The following DPP10 variants were observed in gnomAD, a reference collection of about 807,000 sequenced individuals.
DPP10 encodes dipeptidyl peptidase like 10, also known as inactive dipeptidyl peptidase 10.
In DPP10, 33 loss-of-function variants were observed where a neutral mutation model predicts 120.9. The ratio of observed to expected loss-of-function variants is 0.27; its 90% CI spans 0.21 to 0.37. The LOEUF (loss-of-function observed/expected upper bound fraction) is 0.37, where lower values mean the gene tolerates loss of function less well. Ranked by LOEUF, DPP10 falls within the 10% of genes least tolerant of loss-of-function variation. DPP10 has a pLI of 1.00. For synonymous variants in DPP10, 337 were observed against 326.1 expected, an observed-to-expected ratio of 1.03 and a Z score of -0.36; for missense variants, 816 against 942.8, an observed-to-expected ratio of 0.87 and a Z score of 1.76.
intron 1 of DPP10, among the ~76,000 whole-genome samples, chr2:114,539,961 C>T (rs1392674995): frequency 2.0e-5 from 3 of 151,920 alleles, no homozygotes; most frequent in African/African-American, 7.3e-5. Flanking sequence ...ATGATAATTC[C>T]AAGTGTTCGC....
At chr2:114,653,928 G>A (rs1383690030) in intron 1 of DPP10, among the ~76,000 whole-genome samples, 1 of 152,024 alleles carries the variant, frequency 6.6e-6, no homozygotes, top group Non-Finnish European at 1.5e-5. Flanking sequence ...TTTCTAGATA[G>A]GCATCTAGAA....
chr2:115,587,334 A>G (rs914470233), intron 5 of DPP10, among the ~76,000 whole-genome samples: 9 of 151,570 alleles, frequency 5.9e-5, no homozygotes, highest in Middle Eastern at 3.4e-3. Context: ...TCCTGACCTC[A>G]TGATCCGCCC....
chr2:115,686,589 A>C (rs1371649511), intron 5 of DPP10, among the ~76,000 whole-genome samples: 1 of 152,014 alleles, frequency 6.6e-6, no homozygotes, highest in Non-Finnish European at 1.5e-5. Flanking sequence ...TTAGTAATCA[A>C]ACTCTTCTTA....
intron 1 of DPP10, among the ~76,000 whole-genome samples, chr2:115,217,720 C>T (rs757700697): frequency 8.5e-5 from 13 of 152,260 alleles, no homozygotes; most frequent in Non-Finnish European, 1.2e-4. Context: ...CACACCATTG[C>T]GGTTGGTACT....
At chr2:115,358,506 GC>G (rs1258512420) in intron 3 of DPP10, among the ~76,000 whole-genome samples, 4 of 152,068 alleles carry the variant, frequency 2.6e-5, no homozygotes, top group Non-Finnish European at 5.9e-5. Context: ...TGTCTTCTGA[GC>G]CCTCCAAGTC....
chr2:115,120,706 ATTTG>A (rs2049777339), intron 1 of DPP10, among the ~76,000 whole-genome samples: 1 of 152,114 alleles, frequency 6.6e-6, no homozygotes, highest in Non-Finnish European at 1.5e-5. Flanking sequence ...CCCTTTCACA[ATTTG>A]TTTATGACTT....
rs140227922 is a variant in DPP10, at chr2:114,981,779, G to T, written c.61-327460G>T. ...TTGTTTTGTTTTGTTTTTTGTTTTT[G>T]TTTTTTTTTTTAGATAGGGTGTCTC... is the stretch of plus-strand genomic sequence containing the variant. On this transcript the variant is annotated intron_variant, in intron 1 of 25. Coordinates refer to ENST00000410059, the MANE Select transcript of DPP10 (RefSeq NM_020868.6). Among the ~76,000 whole-genome samples the T allele has an allele frequency of 4.4e-3, 638 of 145,836 alleles. 2 individuals carry two copies. Among genetic ancestry groups the T allele is most frequent in the African/African-American group, 0.015 (596 of 39,790 alleles).
chr2:114,497,181 A>G (rs1682630039), intron 1 of DPP10, among the ~76,000 whole-genome samples: 1 of 147,650 alleles, frequency 6.8e-6, no homozygotes, highest in Non-Finnish European at 1.5e-5. Context: ...ATACATGTGT[A>G]CGTGTATACA....
chr2:115,133,145 G>GTGTGTGTATATA (rs1338395575), intron 1 of DPP10, among the ~76,000 whole-genome samples: 1 of 28,770 alleles, frequency 3.5e-5, no homozygotes, highest in African/African-American at 1.3e-4. Context: ...GTGTGTGTGT[G>GTGTGTGTATATA]TATATATATA....
chr2:114,945,698 C>A (rs1697295220), intron 1 of DPP10, among the ~76,000 whole-genome samples: 2 of 152,104 alleles, frequency 1.3e-5, no homozygotes, highest in South Asian at 4.1e-4. Context: ...CACCTGTAAT[C>A]CCAGCTACTT....
intron 1 of DPP10, among the ~76,000 whole-genome samples, chr2:115,216,312 A>T (rs550060898): frequency 5.9e-5 from 9 of 152,296 alleles, no homozygotes; most frequent in African/African-American, 2.2e-4. Context: ...ACAGTGAAAA[A>T]AAATTTAATT....
chr2:115,429,821 T>G (rs1312756023), intron 3 of DPP10, among the ~76,000 whole-genome samples: 1 of 152,182 alleles, frequency 6.6e-6, no homozygotes, highest in African/African-American at 2.4e-5. Flanking sequence ...ATACAGAATC[T>G]TGAATGACAC....
intron 1 of DPP10, among the ~76,000 whole-genome samples, chr2:114,671,830 T>TA (rs923314170): frequency 7.9e-5 from 12 of 151,982 alleles, no homozygotes; most frequent in South Asian, 2.1e-4. Context: ...TTCTGTTATT[T>TA]AAAAAAAATA....
intron 1 of DPP10, among the ~76,000 whole-genome samples, chr2:114,995,594 C>G (rs555764096): frequency 6.6e-6 from 1 of 152,208 alleles, no homozygotes; most frequent in South Asian, 2.1e-4. Context: ...TTAAACTTTG[C>G]AAGAGTATAA....
intron 1 of DPP10, among the ~76,000 whole-genome samples, chr2:115,206,924 A>G (rs914524499): frequency 2.6e-5 from 4 of 152,220 alleles, no homozygotes; most frequent in African/African-American, 9.6e-5. Flanking sequence ...CAAAGATGTT[A>G]TCATAAGACC....
At chr2:115,422,326 C>G (rs2070051051) in intron 3 of DPP10, among the ~76,000 whole-genome samples, 1 of 152,144 alleles carries the variant, frequency 6.6e-6, no homozygotes, top group South Asian at 2.1e-4. Context: ...TTAGTATTAG[C>G]TGTTTGTTTC....
intron 1 of DPP10, among the ~76,000 whole-genome samples, chr2:115,088,076 T>A (rs2104538528): frequency 6.6e-6 from 1 of 152,292 alleles, no homozygotes; most frequent in East Asian, 1.9e-4. Context: ...TAGATGGTGC[T>A]TTTTAGCTGT....
chr2:114,847,739 CT>C, intron 1 of DPP10, among the ~76,000 whole-genome samples: 1 of 152,086 alleles, frequency 6.6e-6, no homozygotes, highest in Admixed American at 6.6e-5. Context: ...AAGTTATCTT[CT>C]TATATTTTAT....
chr2:114,513,647 G>GA (rs1558831503), intron 1 of DPP10, among the ~76,000 whole-genome samples: 1 of 148,384 alleles, frequency 6.7e-6, no homozygotes, highest in Non-Finnish European at 1.5e-5. Flanking sequence ...AAGAAAGAAA[G>GA]AAGAAACAGA....
Sources: allele counts gnomAD v4.1 joint callset (sites outside exome capture counted in the v4.1 genomes callset), GRCh38; gene constraint gnomAD v4.1.1; transcripts MANE v1.5; gene names NCBI Gene and HGNC (gene_info 2026-07-23, HGNC 2026-07-21).